The following PCED1B variants were observed in gnomAD, a reference collection of about 807,000 sequenced individuals.
PCED1B encodes PC-esterase domain containing 1B, also known as PC-esterase domain-containing protein 1B.
For missense variants in PCED1B, 573 were observed against 573.9 expected (o/e 1.00, Z 0.02); for synonymous variants, 251 against 246.1 (o/e 1.02, Z -0.19).
intron 2 of PCED1B, among the ~76,000 whole-genome samples, chr12:47,183,199 C>G (rs940958880): frequency 6.6e-6 from 1 of 152,130 alleles, no homozygotes; most frequent in Non-Finnish European, 1.5e-5. Context: ...AATTCAGGTA[C>G]TCACAAATTA....
At chr12:47,215,226 C>G (rs1318809280) in intron 2 of PCED1B, among the ~76,000 whole-genome samples, 1 of 151,034 alleles carries the variant, frequency 6.6e-6, no homozygotes, top group Non-Finnish European at 1.5e-5. Context: ...CTACACTTAT[C>G]TAATCAATCA....
chr12:47,236,373 G>A lies in PCED1B; in HGVS notation c.*11G>A. ...CCAAGGCCTCAATAGACGGACCTAG[G>A]CCTTATTTCCTCTTTATGAACATGG... is the stretch of plus-strand genomic sequence containing the variant. On this transcript the variant is annotated 3_prime_UTR_variant, in exon 4 of 4. Transcript: ENST00000546455. The A allele has an allele frequency of 6.5e-7, 1 of 1,545,894 alleles. No individual in the cohort carries two copies. Among genetic ancestry groups the A allele is most frequent in the Non-Finnish European group, 8.7e-7 (1 of 1,149,004 alleles).
intron 2 of PCED1B, among the ~76,000 whole-genome samples, chr12:47,179,307 G>A (rs1942024605): frequency 6.6e-6 from 1 of 152,154 alleles, no homozygotes; most frequent in Non-Finnish European, 1.5e-5. Flanking sequence ...ATGACACAAG[G>A]GAACATCAAA....
chr12:47,166,459 G>C (rs1941548070), intron 2 of PCED1B, among the ~76,000 whole-genome samples: 1 of 152,094 alleles, frequency 6.6e-6, no homozygotes, highest in Non-Finnish European at 1.5e-5. Context: ...AAAAACTTGA[G>C]CTAAACCAAT....
In PCED1B at chr12:47,235,280, G is replaced by A. The variant is rs765538621; in HGVS notation, c.217G>A (p.Gly73Ser). The change falls in exon 4 of 4, where the codon GGC becomes AGC. Residue 73 changes from glycine (G) to serine (S), a missense_variant. Physicochemically the swap from Gly to Ser is moderately conservative, Grantham distance 56. Transcript: ENST00000546455. ...DGGQRGHMHN[G>S]LNYREVREFR... is the part of the protein sequence containing the mutation. ...AGGCCAGCGGGGCCACATGCACAAC[G>A]GCCTTAACTACCGTGAGGTCCGCGA... 3.7e-6 allele frequency: 6 copies of A among 1,613,932 alleles called. No homozygotes were observed. Among genetic ancestry groups the A allele is most frequent in the Admixed American group, 1.7e-5 (1 of 60,002 alleles).
chr12:47,103,100 G>A (rs1938787140), intron 1 of PCED1B, among the ~76,000 whole-genome samples: 1 of 151,802 alleles, frequency 6.6e-6, no homozygotes, highest in African/African-American at 2.4e-5. Flanking sequence ...CAAGAACAGA[G>A]TTTTAAAAAA....
In PCED1B at chr12:47,235,462, G is replaced by A; in HGVS notation, c.399G>A (p.Pro133=). 2 of 1,613,996 alleles carry A rather than the reference G, an allele frequency of 1.2e-6. No individual in the cohort carries two copies. The highest frequency in any genetic ancestry group is 1.7e-6 in the Non-Finnish European group (2 of 1,179,948). Residue 133 remains proline (P), a synonymous_variant, in exon 4 of 4, where the codon CCG becomes CCA. Coordinates refer to ENST00000546455, the MANE Select transcript of PCED1B (RefSeq NM_138371.3). ...TCTGGGACATCTCCAGGTATGGTCC[G>A]AACTCCTGGAGAAGCTACCTGGAGA... is the stretch of plus-strand genomic sequence containing the variant. ...SCLWDISRYG[P]NSWRSYLENL... is the part of the protein sequence containing the mutation.
chr12:47,228,434 C>A (rs1476032886), intron 3 of PCED1B, among the ~76,000 whole-genome samples: 1 of 152,162 alleles, frequency 6.6e-6, no homozygotes, highest in Admixed American at 6.5e-5. Context: ...TCATGACCAT[C>A]TCTCCTGGGC....
intron 2 of PCED1B, among the ~76,000 whole-genome samples, chr12:47,189,335 G>A (rs183288931): frequency 6.6e-6 from 1 of 152,298 alleles, no homozygotes; most frequent in Admixed American, 6.5e-5. Context: ...GCATGGCTTG[G>A]TTAGCAGAAG....
At chr12:47,166,760 T>C (rs1355684195) in intron 2 of PCED1B, among the ~76,000 whole-genome samples, 3 of 152,222 alleles carry the variant, frequency 2.0e-5, no homozygotes, top group Non-Finnish European at 4.4e-5. Flanking sequence ...AAGCATTAAT[T>C]TTTCTATTGG....
intron 2 of PCED1B, among the ~76,000 whole-genome samples, chr12:47,142,613 A>C (rs937094025): frequency 6.6e-6 from 1 of 152,200 alleles, no homozygotes; most frequent in South Asian, 2.1e-4. Context: ...TAATAAAGAA[A>C]TAAAAAACAT....
intron 2 of PCED1B, among the ~76,000 whole-genome samples, chr12:47,203,665 A>G (rs1468566743): frequency 6.6e-6 from 1 of 152,208 alleles, no homozygotes. Flanking sequence ...ATGGCTGCAT[A>G]GTATTCTGCA....
intron 2 of PCED1B, among the ~76,000 whole-genome samples, chr12:47,195,932 AT>A (rs1219849218): frequency 6.6e-6 from 1 of 152,118 alleles, no homozygotes; most frequent in Non-Finnish European, 1.5e-5. Context: ...TAATAATTAC[AT>A]TTTTTAAAAA....
At chr12:47,142,105 G>A (rs1940616332) in intron 2 of PCED1B, among the ~76,000 whole-genome samples, 1 of 152,194 alleles carries the variant, frequency 6.6e-6, no homozygotes, top group African/African-American at 2.4e-5. Flanking sequence ...GAACCCTGAA[G>A]TGGACCCTTG....
chr12:47,165,332 A>G (rs1172375553), intron 2 of PCED1B, among the ~76,000 whole-genome samples: 2 of 152,188 alleles, frequency 1.3e-5, no homozygotes, highest in Non-Finnish European at 2.9e-5. Flanking sequence ...CCACTATTTT[A>G]CAGCCAATAA....
At chr12:47,156,049 A>C (rs1267325365) in intron 2 of PCED1B, among the ~76,000 whole-genome samples, 1 of 152,232 alleles carries the variant, frequency 6.6e-6, no homozygotes, top group African/African-American at 2.4e-5. Flanking sequence ...GTGCTTATTC[A>C]TAGCAGGGAG....
chr12:47,216,600 A>G lies in PCED1B; in HGVS notation c.-147A>G, dbSNP rs1219120900. The stretch of plus-strand genomic sequence containing the variant: ...CTCTGAGATCTCCCGTCTGGTCACA[A>G]TGATCTACAGGAGAGGAAGAAAGCT... On this transcript the variant is annotated 5_prime_UTR_variant, in exon 3 of 4. It removes an upstream start codon present in the reference 5' UTR. Transcript: ENST00000546455. 6.6e-6 allele frequency: 1 copy of G among 152,360 alleles called. No individual in the cohort carries two copies. Among genetic ancestry groups the G allele is most frequent in the Non-Finnish European group, 1.5e-5 (1 of 68,040 alleles). 9.4% of individuals were successfully genotyped at this position (152,360 alleles called of 1,614,324 possible).
intron 2 of PCED1B, among the ~76,000 whole-genome samples, chr12:47,173,374 C>T (rs1030111983): frequency 1.3e-5 from 2 of 152,168 alleles, no homozygotes; most frequent in Admixed American, 1.3e-4. Flanking sequence ...CTGCCTCAGC[C>T]TCTCGAGTAG....
At chr12:47,117,081 GA>G (rs1939452774) in intron 2 of PCED1B, among the ~76,000 whole-genome samples, 1 of 152,170 alleles carries the variant, frequency 6.6e-6, no homozygotes, top group South Asian at 2.1e-4. Context: ...CTCCTGGGCT[GA>G]AGTGATCCTC....
Sources: allele counts gnomAD v4.1 joint callset (sites outside exome capture counted in the v4.1 genomes callset), GRCh38; gene constraint gnomAD v4.1.1; transcripts MANE v1.5; gene names NCBI Gene and HGNC (gene_info 2026-07-23, HGNC 2026-07-21).